The following PKN3 variants were observed in gnomAD, a reference collection of about 807,000 sequenced individuals.
PKN3 encodes serine/threonine-protein kinase N3.
Under a neutral mutation model 113.1 loss-of-function variants are expected in PKN3, and 91 were observed. The ratio of observed to expected loss-of-function variants is 0.80; its 90% CI spans 0.68 to 0.96. The LOEUF (loss-of-function observed/expected upper bound fraction) is 0.96, where lower values mean the gene tolerates loss of function less well. Among genes scored for constraint, PKN3 ranks in the 40% least tolerant of loss-of-function variants. The pLI is 0.00. For synonymous variants in PKN3, 467 were observed against 499.0 expected (o/e 0.94, Z 0.85); for missense variants, 1,052 against 1,202.2 (o/e 0.88, Z 1.85).
At chr9:128,714,964 G>A (rs780648116) in intron 13 of PKN3, 99 bp downstream of exon 13, 86 of 1,210,102 alleles carry the variant, frequency 7.1e-5, no homozygotes, top group Non-Finnish European at 8.3e-5. Context: ...CCTGGCGGGT[G>A]CGCTGACTGG....
rs1264325842 is a variant in PKN3 at position 128,716,910 on chromosome 9, G to A, written c.1972G>A (p.Glu658Lys). 3.7e-6 allele frequency: 6 copies of A among 1,613,566 alleles called. No homozygotes were observed. Among genetic ancestry groups the A allele is most frequent in the East Asian group, 2.2e-5 (1 of 44,826 alleles). Residue 658 changes from glutamate to lysine, a missense_variant, in exon 16 of 22, where the codon GAG becomes AAG. Physicochemically the swap from Glu to Lys is moderately conservative, Grantham distance 56. Around this residue, in one of 2 missense-constraint regions of PKN3, gnomAD observed 333 missense variants for 442.8 expected, o/e 0.75. Coordinates refer to ENST00000291906, the MANE Select transcript of PKN3 (RefSeq NM_013355.5). ...MMQIHEDVFP[E>K]PQARFYVACV... Reference sequence around the variant, plus strand: ...GCAGATCCACGAGGATGTCTTCCCCGAGCCCCAGGCCCGGTGGGTTCCATC... The same window carrying A: ...GCAGATCCACGAGGATGTCTTCCCCAAGCCCCAGGCCCGGTGGGTTCCATC...
rs1257186740 is a variant in PKN3 at position 128,705,554 on chromosome 9, A to G, written c.265+11A>G. On this transcript the variant is annotated intron_variant, in intron 2 of 21. Transcript: ENST00000291906. The stretch of plus-strand genomic sequence containing the variant: ...GGCCTGGCCCAGCTGGTGAGTGAGG[A>G]GCTGAGACCCCCTCAGGACAGAAGG... 1.9e-6 allele frequency: 3 copies of G among 1,553,512 alleles called. No individual in the cohort carries two copies. Among genetic ancestry groups the G allele is most frequent in the Non-Finnish European group, 2.6e-6 (3 of 1,149,358 alleles).
Position 128,720,912 on chromosome 9 carries a change from A to C in PKN3, c.*306A>C. On this transcript the variant is annotated 3_prime_UTR_variant, in exon 22 of 22. Transcript: ENST00000291906. This position sits in a 1 kb window ranked among gnomAD's most constrained non-coding sequence, Gnocchi z 5.5. ...GACTTGCTTTATATTAAATTTGTAA[A>C]AGTGTGCACTGGCAGCAGCCTGGGC... 1 of 547,472 alleles carries C rather than the reference A, an allele frequency of 1.8e-6. No homozygotes were observed. The highest frequency in any genetic ancestry group is 3.2e-6 in the Non-Finnish European group (1 of 311,926). 33.9% of individuals were successfully genotyped at this position (547,472 alleles called of 1,614,324 possible).
At chr9:128,706,848 G>A in intron 4 of PKN3, 24 bp downstream of exon 4, 1 of 1,612,804 alleles carries the variant, frequency 6.2e-7, no homozygotes, top group Non-Finnish European at 8.5e-7. Flanking sequence ...ACACAGGGAG[G>A]GCGGAGCAGG....
rs759620015 is a variant in PKN3 at position 128,705,795 on chromosome 9, T to A, written c.327T>A (p.Ala109=). The A allele has an allele frequency of 1.9e-6, 3 of 1,608,200 alleles. No homozygotes were observed. The Admixed American group carries it at 5.1e-5, about 27-fold the overall frequency. The change falls in exon 3 of 22, where the codon GCT becomes GCA. Residue 109 remains alanine, a synonymous_variant. Coordinates refer to ENST00000291906, the MANE Select transcript of PKN3 (RefSeq NM_013355.5). ...AEQLRARHLE[A]LRRQLHVELK... ...AGCTCAGGGCTCGGCACCTAGAGGC[T>A]CTCCGGAGGCAGCTGCATGTGGAGC... is the stretch of plus-strand genomic sequence containing the variant.
chr9:128,707,451 G>C (rs754336366), intron 6 of PKN3, 46 bp downstream of exon 6: 26 of 1,511,458 alleles, frequency 1.7e-5, no homozygotes, highest in Admixed American at 1.7e-4. Context: ...TCTTTTTGGG[G>C]GGAGGCCGGA....
At position 128,720,120 on chromosome 9, in the gene PKN3, C is replaced by G. The variant is rs1862487232; in HGVS notation, c.2377-83C>G. On this transcript the variant is annotated intron_variant, in intron 20 of 21. Coordinates refer to ENST00000291906, the MANE Select transcript of PKN3 (RefSeq NM_013355.5). This position sits in a 1 kb window ranked among gnomAD's most constrained non-coding sequence, Gnocchi z 5.5. ...CCCTGCCACCCATCCTTAGAGCGCT[C>G]TGGGCCAGCGTGCTTGGGGCCTGTG... 1.9e-6 allele frequency: 3 copies of G among 1,544,922 alleles called. No homozygotes were observed. In the Admixed American group the frequency reaches 5.2e-5, roughly 27 times the overall value.
At chr9:128,713,729 G>A in intron 9 of PKN3, 87 bp downstream of exon 9, 2 of 1,349,294 alleles carry the variant, frequency 1.5e-6, no homozygotes, top group Non-Finnish European at 2.1e-6. Context: ...CTGCGTGTAG[G>A]TGCAGAGACT....
intron 1 of PKN3, chr9:128,703,362 CTG>C (rs1861912074): frequency 1.0e-6 from 1 of 985,128 alleles, no homozygotes; most frequent in Non-Finnish European, 1.2e-6. Context: ...GGGGCGCAGT[CTG>C]TGCGCGCTTG....
chr9:128,707,206 G>A lies in PKN3; in HGVS notation c.652-16G>A, dbSNP rs547455410. On this transcript the variant is annotated splice_polypyrimidine_tract_variant and intron_variant, in intron 5 of 21. Coordinates refer to ENST00000291906, the MANE Select transcript of PKN3 (RefSeq NM_013355.5). ...ATATACCCCACGAACCTGGCTCTACGTTGTCCCCTCTGCAGGCCCAGGCCC... is the reference window on the plus strand; with the variant it reads ...ATATACCCCACGAACCTGGCTCTACATTGTCCCCTCTGCAGGCCCAGGCCC... 1.4e-5 allele frequency: 23 copies of A among 1,596,408 alleles called. No homozygotes were observed. Among genetic ancestry groups the A allele is most frequent in the African/African-American group, 1.2e-4 (9 of 74,766 alleles).
chr9:128,715,294 G>C lies in PKN3; in HGVS notation c.1716+59G>C. Reference sequence around the variant, plus strand: ...TTGGGGGCCTCATCACATGAGCCGGGAGGACCTGATCTGTGGGGGCGGTAA... The same window carrying C: ...TTGGGGGCCTCATCACATGAGCCGGCAGGACCTGATCTGTGGGGGCGGTAA... On this transcript the variant is annotated intron_variant, in intron 14 of 21. Coordinates refer to ENST00000291906, the MANE Select transcript of PKN3 (RefSeq NM_013355.5). This position sits in a 1 kb window ranked among gnomAD's most constrained non-coding sequence, Gnocchi z 4.1. 1 of 1,608,242 alleles carries C rather than the reference G, an allele frequency of 6.2e-7. No homozygotes were observed. The highest frequency in any genetic ancestry group is 1.1e-5 in the South Asian group (1 of 90,970).
At chr9:128,703,438 G>C (rs1861914756) in intron 1 of PKN3, 1 of 985,100 alleles carries the variant, frequency 1.0e-6, no homozygotes, top group Non-Finnish European at 1.2e-6. Flanking sequence ...AGAGGGGAGC[G>C]GCCTCCCCCG....
rs753124564 is a variant in PKN3 at position 128,720,537 on chromosome 9, C to G, written c.2601C>G (p.Leu867=). 1.9e-6 allele frequency: 3 copies of G among 1,613,452 alleles called. No individual in the cohort carries two copies. In the African/African-American group the frequency reaches 4.0e-5, roughly 22 times the overall value. Residue 867 remains leucine, a synonymous_variant, in exon 22 of 22, where the codon CTC becomes CTG. Coordinates refer to ENST00000291906, the MANE Select transcript of PKN3 (RefSeq NM_013355.5). The surrounding 1 kb of genome is among the most constrained non-coding windows in gnomAD (Gnocchi z 5.5). ...TGACCCCACCTGCACCCCACAGCCT[C>G]CTCACTGCCCGCCAACAGGCCGCCT... ...PALTPPAPHS[L]LTARQQAAFR... is the part of the protein sequence containing the mutation.
intron 18 of PKN3, 64 bp downstream of exon 18, chr9:128,718,689 A>T: frequency 7.1e-7 from 1 of 1,416,262 alleles, no homozygotes; most frequent in Non-Finnish European, 1.0e-6. Context: ...CAATAGGATG[A>T]TGGGCACATG....
At position 128,714,624 on chromosome 9, in the gene PKN3, G is replaced by A. The variant is rs56208848; in HGVS notation, c.1544G>A (p.Arg515His). 9.8e-4 allele frequency: 1,406 copies of A among 1,430,438 alleles called. 1 individual carries two copies. Among genetic ancestry groups the A allele is most frequent in the Non-Finnish European group, 1.3e-3 (1,296 of 1,012,890 alleles). 88.6% of individuals were successfully genotyped at this position (1,430,438 alleles called of 1,614,324 possible). A position where few individuals can be genotyped will look rare whatever the true frequency, so the allele number is the denominator to read the frequency against. Residue 515 changes from arginine (R) to histidine (H), a missense_variant, in exon 12 of 22, where the codon CGC becomes CAC. This residue lies in a region of PKN3 where 719 missense variants were observed against 759.4 expected (regional missense o/e 0.95). Transcript: ENST00000291906. Reference sequence around the variant, plus strand: ...ATGACACCCCCACCCAAGCCCCCACGCCTCTACCTCCCCCAGGAGCCAACA... The same window carrying A: ...ATGACACCCCCACCCAAGCCCCCACACCTCTACCTCCCCCAGGAGCCAACA... ...EEMTPPPKPP[R>H]LYLPQEPTSE...
intron 18 of PKN3, 109 bp from the exon 19 acceptor site, chr9:128,719,577 G>A: frequency 8.8e-7 from 1 of 1,139,516 alleles, no homozygotes; most frequent in Non-Finnish European, 1.3e-6. Context: ...CTTGGGTACA[G>A]GGCAGGGCTT....
chr9:128,707,191 C>G, intron 5 of PKN3, 31 bp from the exon 6 acceptor site: 1 of 1,587,330 alleles, frequency 6.3e-7, no homozygotes, highest in Non-Finnish European at 8.6e-7. Flanking sequence ...ATATACCCCA[C>G]GAACCTGGCT....
At position 128,720,001 on chromosome 9, in the gene PKN3, T is replaced by C. The variant is rs1178073472; in HGVS notation, c.2360T>C (p.Leu787Pro). 6.2e-7 allele frequency: 1 copy of C among 1,613,874 alleles called. No individual in the cohort carries two copies. Among genetic ancestry groups the C allele is most frequent in the Admixed American group, 1.7e-5 (1 of 60,026 alleles). ...PYPGFLSVQGLEFIQKLLQKC... is the reference protein window; with the variant it reads ...PYPGFLSVQGPEFIQKLLQKC... ...CCCGGCTTTCTGTCGGTGCAAGGGC[T>C]TGAGTTCATTCAGAAGGTAAGCACT... Residue 787 changes from leucine to proline, a missense_variant, in exon 20 of 22, where the codon CTT (leucine) becomes CCT (proline). Leu to Pro is a moderately conservative substitution (Grantham distance 98, BLOSUM62 -3). Transcript: ENST00000291906. This position sits in a 1 kb window ranked among gnomAD's most constrained non-coding sequence, Gnocchi z 5.5.
chr9:128,710,989 T>G (rs78070901), intron 6 of PKN3, among the ~76,000 whole-genome samples: 1 of 151,988 alleles, frequency 6.6e-6, no homozygotes, highest in Admixed American at 6.6e-5. Context: ...TTTTTTTTTT[T>G]GAGATGGAGT....
Sources: gnomAD v4.1 joint callset for allele counts (sites outside exome capture counted in the v4.1 genomes callset) on GRCh38, gnomAD v4.1.1 for gene constraint, gnomAD v4.1.1 regional missense constraint, Gnocchi (gnomAD v3.1) non-coding constraint, MANE v1.5 for transcripts, NCBI Gene and HGNC (gene_info 2026-07-23, HGNC 2026-07-21) for gene names.